RBFOX1: variants seen among roughly 807,000 people sequenced by gnomAD.
RBFOX1 encodes the protein RNA binding protein fox-1 homolog 1.
A neutral mutation model predicts 57.7 loss-of-function variants in RBFOX1; 8 were observed. That is an observed-to-expected ratio of 0.14 (90% confidence interval 0.08 to 0.25). RBFOX1 has a LOEUF of 0.25. RBFOX1 is among the 10% of genes least tolerant of loss of function. The pLI is 1.00. For missense variants in RBFOX1, 611 were observed against 548.5 expected (o/e 1.11, Z -1.14); for synonymous variants, 326 against 222.4 (o/e 1.47, Z -4.15).
At chr16:6,623,748 TC>T (rs1191450187) in intron 2 of RBFOX1, among the ~76,000 whole-genome samples, 4 of 152,192 alleles carry the variant, frequency 2.6e-5, no homozygotes, top group African/African-American at 9.6e-5. Flanking sequence ...TCCAGCTTCA[TC>T]CATGTCCCTA....
chr16:6,981,478 C>G (rs773785712), intron 3 of RBFOX1, among the ~76,000 whole-genome samples: 10 of 152,156 alleles, frequency 6.6e-5, no homozygotes, highest in Admixed American at 3.9e-4. Context: ...ACCACAGATT[C>G]TTTATCCAGT....
At chr16:6,839,147 G>T (rs187542205) in intron 3 of RBFOX1, among the ~76,000 whole-genome samples, 3 of 143,148 alleles carry the variant, frequency 2.1e-5, no homozygotes, top group Non-Finnish European at 3.2e-5. Context: ...ACCACACCCA[G>T]CTAATTTTTG....
intron 2 of RBFOX1, among the ~76,000 whole-genome samples, chr16:6,649,642 C>T (rs1326405521): frequency 6.6e-6 from 1 of 152,118 alleles, no homozygotes; most frequent in African/African-American, 2.4e-5. Flanking sequence ...TGACTTGTTT[C>T]ACTTAGAATA....
In RBFOX1 at chr16:5,817,931, C is replaced by G. The variant is rs905469680; in HGVS notation, c.319-49372C>G. ...GGTCTCGATCTCCTGACCTCATGTT[C>G]TACCCACCTCGGCCTCCAAAAGTGC... On this transcript the variant is annotated intron_variant, in intron 3 of 19. Transcript: ENST00000641259. Among the ~76,000 whole-genome samples, 115 of 152,112 alleles carry G rather than the reference C, an allele frequency of 7.6e-4. 1 individual carries two copies. The highest frequency in any genetic ancestry group is 2.6e-3 in the African/African-American group (108 of 41,486).
At chr16:7,552,098 A>G (rs1435699135) in intron 5 of RBFOX1, among the ~76,000 whole-genome samples, 2 of 152,170 alleles carry the variant, frequency 1.3e-5, no homozygotes, top group Non-Finnish European at 2.9e-5. Context: ...ATTTTATCTC[A>G]TTCTCTCCAC....
At chr16:5,728,912 C>A (rs1331728338) in intron 3 of RBFOX1, among the ~76,000 whole-genome samples, 2 of 152,158 alleles carry the variant, frequency 1.3e-5, no homozygotes, top group East Asian at 3.9e-4. Context: ...TTCCCAGAGA[C>A]AATATCACCT....
chr16:5,505,730 G>A (rs934563791), intron 2 of RBFOX1, among the ~76,000 whole-genome samples: 1 of 152,184 alleles, frequency 6.6e-6, no homozygotes, highest in Admixed American at 6.5e-5. Flanking sequence ...AAGCGGGAGA[G>A]GGAAGAGAGA....
intron 4 of RBFOX1, among the ~76,000 whole-genome samples, chr16:7,246,588 T>C (rs1478764956): frequency 1.3e-5 from 2 of 151,910 alleles, no homozygotes; most frequent in African/African-American, 4.8e-5. Flanking sequence ...CCTAGGGCTT[T>C]TTGTTGTTGC....
intron 4 of RBFOX1, among the ~76,000 whole-genome samples, chr16:7,150,113 T>C (rs1365003201): frequency 6.6e-6 from 1 of 152,196 alleles, no homozygotes; most frequent in Non-Finnish European, 1.5e-5. Flanking sequence ...CTTGTGCTTA[T>C]TCCGGTCATA....
At chr16:5,358,784 G>C (rs548004156) in intron 1 of RBFOX1, among the ~76,000 whole-genome samples, 2 of 152,176 alleles carry the variant, frequency 1.3e-5, no homozygotes, top group East Asian at 1.9e-4. Context: ...CCGAGATCGC[G>C]CCATTGCACT....
chr16:7,067,875 T>C (rs1284679619), intron 4 of RBFOX1, among the ~76,000 whole-genome samples: 2 of 152,068 alleles, frequency 1.3e-5, no homozygotes, highest in Admixed American at 6.5e-5. Flanking sequence ...TCATCATTTT[T>C]TATGGCTGCA....
At chr16:5,881,641 C>T (rs2151918363) in intron 4 of RBFOX1, among the ~76,000 whole-genome samples, 1 of 152,178 alleles carries the variant, frequency 6.6e-6, no homozygotes, top group Admixed American at 6.5e-5. Flanking sequence ...AATTGTACCG[C>T]TGCACTCCAG....
chr16:6,229,722 T>A (rs1692968917), intron 1 of RBFOX1, among the ~76,000 whole-genome samples: 1 of 148,546 alleles, frequency 6.7e-6, no homozygotes, highest in Non-Finnish European at 1.5e-5. Context: ...AAAAAAAAAA[T>A]AAGATTTTCT....
At chr16:6,682,395 G>C (rs1603395330) in intron 3 of RBFOX1, among the ~76,000 whole-genome samples, 1 of 151,486 alleles carries the variant, frequency 6.6e-6, no homozygotes, top group East Asian at 2.0e-4. Flanking sequence ...CCCTTCTTGG[G>C]GAAATTGTGA....
intron 2 of RBFOX1, among the ~76,000 whole-genome samples, chr16:5,517,979 G>GAA (rs535281936): frequency 7.9e-4 from 119 of 151,346 alleles, no homozygotes; most frequent in African/African-American, 2.8e-3. Context: ...CTTTTATTGG[G>GAA]AAAAGTTTCT....
intron 4 of RBFOX1, among the ~76,000 whole-genome samples, chr16:7,143,908 T>C (rs559708271): frequency 1.4e-4 from 21 of 152,324 alleles, no homozygotes; most frequent in African/African-American, 4.3e-4. Flanking sequence ...GAGCTATTAC[T>C]GTAATGTCTA....
chr16:6,086,358 T>C (rs2096083843), intron 1 of RBFOX1, among the ~76,000 whole-genome samples: 1 of 152,184 alleles, frequency 6.6e-6, no homozygotes, highest in African/African-American at 2.4e-5. Flanking sequence ...ACATTTTTCA[T>C]GCGAGTGTTC....
At chr16:5,457,285 C>G (rs561112424) in intron 1 of RBFOX1, among the ~76,000 whole-genome samples, 6 of 152,148 alleles carry the variant, frequency 3.9e-5, no homozygotes, top group Non-Finnish European at 8.8e-5. Context: ...TAGGCATGCA[C>G]CGCTATACCT....
chr16:6,376,302 GGTT>G (rs59682771), intron 2 of RBFOX1, among the ~76,000 whole-genome samples: 280 of 151,202 alleles, frequency 1.9e-3, no homozygotes, highest in Non-Finnish European at 3.4e-3. Context: ...TTTGTTGGTT[GGTT>G]GTTGTTGTTG....
Sources: allele counts gnomAD v4.1 joint callset (sites outside exome capture counted in the v4.1 genomes callset), GRCh38; gene constraint gnomAD v4.1.1; transcripts MANE v1.5; gene names NCBI Gene and HGNC (gene_info 2026-07-23, HGNC 2026-07-21).